The following ZNF716 variants were observed in gnomAD, a reference collection of about 807,000 sequenced individuals.
ZNF716 encodes zinc finger protein 716.
A neutral mutation model predicts 13.4 loss-of-function variants in ZNF716; 9 were observed. The ratio of observed to expected loss-of-function variants is 0.67; its 90% CI spans 0.41 to 1.18. The LOEUF is 1.18. Ranked by LOEUF, ZNF716 falls within the 50% of genes most tolerant of loss-of-function variation. The pLI is 0.01. For missense variants in ZNF716, 581 were observed against 576.6 expected, an observed-to-expected ratio of 1.01 and a Z score of -0.08; for synonymous variants, 186 against 195.2, an observed-to-expected ratio of 0.95 and a Z score of 0.39.
rs200193410 is a variant in ZNF716 at position 57,469,738 on chromosome 7, A to G, written c.1277A>G (p.His426Arg). The G allele has an allele frequency of 1.6e-4, 266 of 1,612,866 alleles. No individual in the cohort carries two copies. The highest frequency in any genetic ancestry group is 2.1e-4 in the Non-Finnish European group (250 of 1,179,468). ...AACTGCTCCTCAACCCTTAAGAAAC[A>G]TAAGATAATTCATACTGGAGAGAAA... ...AFNCSSTLKKHKIIHTGEKLY... is the reference protein window; with the variant it reads ...AFNCSSTLKKRKIIHTGEKLY... The change falls in exon 4 of 4, where the codon CAT becomes CGT. Residue 426 changes from histidine to arginine, a missense_variant. By Grantham distance (29) the His-to-Arg change is conservative. Coordinates refer to ENST00000420713, the MANE Select transcript of ZNF716 (RefSeq NM_001159279.1).
chr7:57,465,733 C>T (rs192486396), intron 3 of ZNF716, among the ~76,000 whole-genome samples: 48 of 152,242 alleles, frequency 3.2e-4, no homozygotes, highest in African/African-American at 7.0e-4. Context: ...CACATGCACA[C>T]GTATGTTTAT....
intron 1 of ZNF716, among the ~76,000 whole-genome samples, chr7:57,459,703 T>C (rs1393701505): frequency 6.6e-6 from 1 of 152,172 alleles, no homozygotes; most frequent in African/African-American, 2.4e-5. Context: ...AAAGGAAGGC[T>C]GCACTGCCTG....
chr7:57,461,311 G>A (rs1346653716), intron 1 of ZNF716, among the ~76,000 whole-genome samples: 1 of 152,018 alleles, frequency 6.6e-6, no homozygotes, highest in African/African-American at 2.4e-5. Flanking sequence ...ACTTTTCTGG[G>A]AGGAAAGAAA....
In ZNF716 at chr7:57,465,357, A is replaced by AT. The variant is rs782434763; in HGVS notation, c.262+2200dup. Among the ~76,000 whole-genome samples, 1,067 of 146,974 alleles carry AT rather than the reference A, an allele frequency of 7.3e-3. 5 individuals are homozygous for AT. The highest frequency in any genetic ancestry group is 0.011 in the Middle Eastern group (3 of 282). On this transcript the variant is annotated intron_variant, in intron 3 of 3. Transcript: ENST00000420713. Reference sequence around the variant, plus strand: ...CACTGTATGATTTTGCTCTTCTTACATTTTTTTTTTTGACACAGTGTTTCT... The same window carrying AT: ...CACTGTATGATTTTGCTCTTCTTACATTTTTTTTTTTTGACACAGTGTTTCT...
chr7:57,456,282 G>A (rs1317570941), intron 1 of ZNF716, among the ~76,000 whole-genome samples: 2 of 152,152 alleles, frequency 1.3e-5, no homozygotes, highest in Non-Finnish European at 1.5e-5. Flanking sequence ...TAGTAAACTG[G>A]TTAACGTAAG....
intron 1 of ZNF716, among the ~76,000 whole-genome samples, chr7:57,459,541 A>T (rs1190894323): frequency 6.6e-6 from 1 of 152,202 alleles, no homozygotes; most frequent in Non-Finnish European, 1.5e-5. Flanking sequence ...CACAATCAGC[A>T]TTTACAGGGG....
Position 57,469,999 on chromosome 7 carries a change from C to T in ZNF716, c.*50C>T, listed in dbSNP as rs1479331374. 2.1e-6 allele frequency: 3 copies of T among 1,457,332 alleles called. No homozygotes were observed. Among genetic ancestry groups the T allele is most frequent in the Non-Finnish European group, 2.7e-6 (3 of 1,100,990 alleles). 90.3% of individuals were successfully genotyped at this position (1,457,332 alleles called of 1,614,324 possible). A position where few individuals can be genotyped will look rare whatever the true frequency, so the allele number is the denominator to read the frequency against. On this transcript the variant is annotated 3_prime_UTR_variant, in exon 4 of 4. Coordinates refer to ENST00000420713, the MANE Select transcript of ZNF716 (RefSeq NM_001159279.1). ...CTTATAATACATAAAATAATTTATA[C>T]TGGAAAAAATCACTACAAGTGTGGA...
At chr7:57,457,623 C>T (rs1789623340) in intron 1 of ZNF716, among the ~76,000 whole-genome samples, 5 of 152,152 alleles carry the variant, frequency 3.3e-5, no homozygotes. Context: ...GGATTACAGT[C>T]ATGAGCCACC....
rs1789908981 is a variant in ZNF716, at chr7:57,470,402, G to A, written c.*453G>A. 1 of 157,958 alleles carries A rather than the reference G, an allele frequency of 6.3e-6. No individual in the cohort carries two copies. Among genetic ancestry groups the A allele is most frequent in the Admixed American group, 6.1e-5 (1 of 16,438 alleles). 9.8% of individuals were successfully genotyped at this position (157,958 alleles called of 1,614,324 possible). The stretch of plus-strand genomic sequence containing the variant: ...TGGTCTCAAACTCCTGACTTCAGGT[G>A]AACCACCTGCCTCAGCCTCCCAAAG... On this transcript the variant is annotated 3_prime_UTR_variant, in exon 4 of 4. Transcript: ENST00000420713.
In ZNF716 at chr7:57,451,441, ATTTTTT is replaced by A. The variant is rs782311074; in HGVS notation, c.39+1133_39+1138del. Among the ~76,000 whole-genome samples the A allele has an allele frequency of 6.5e-4, 58 of 89,034 alleles. 1 individual carries two copies. The highest frequency in any genetic ancestry group is 1.6e-3 in the South Asian group (4 of 2,558). The allele number at this position is 89,034 out of a possible 152,430, so 58.4% of individuals were successfully genotyped here. The stretch of plus-strand genomic sequence containing the variant: ...CCACAGGAAATTGGTTTTCCCTTGG[ATTTTTT>A]TTTTTTTTTTTTTTTTTTGAGATAG... On this transcript the variant is annotated intron_variant, in intron 1 of 3. Coordinates refer to ENST00000420713, the MANE Select transcript of ZNF716 (RefSeq NM_001159279.1).
intron 3 of ZNF716, among the ~76,000 whole-genome samples, chr7:57,464,927 A>C (rs1157727100): frequency 6.6e-6 from 1 of 152,068 alleles, no homozygotes; most frequent in Non-Finnish European, 1.5e-5. Context: ...TTGTTCTATC[A>C]TGTCTTTATC....
chr7:57,463,126 C>T lies in ZNF716; in HGVS notation c.220C>T (p.Pro74Ser), dbSNP rs781786535. Residue 74 changes from proline to serine, a missense_variant, in exon 3 of 4, where the codon CCC (proline) becomes TCC (serine). By Grantham distance (74) the Pro-to-Ser change is moderately conservative. Transcript: ENST00000420713. ...CACCTGTCTGGAGCAAAATAAAGAG[C>T]CCCAGAATATAAAGAGAAATGAGAT... ...LITCLEQNKEPQNIKRNEMVA... is the reference protein window; with the variant it reads ...LITCLEQNKESQNIKRNEMVA... 3 of 1,609,934 alleles carry T rather than the reference C, an allele frequency of 1.9e-6. No homozygotes were observed. The highest frequency in any genetic ancestry group is 2.5e-6 in the Non-Finnish European group (3 of 1,179,946).
chr7:57,458,611 C>T (rs572425701), intron 1 of ZNF716, among the ~76,000 whole-genome samples: 1 of 152,164 alleles, frequency 6.6e-6, no homozygotes, highest in South Asian at 2.1e-4. Flanking sequence ...TTAGTACAGA[C>T]GGGGTTTCAC....
chr7:57,460,880 G>C (rs1227016725), intron 1 of ZNF716, among the ~76,000 whole-genome samples: 1 of 152,146 alleles, frequency 6.6e-6, no homozygotes, highest in Non-Finnish European at 1.5e-5. Context: ...TTGCTCTCCA[G>C]GGTGCTAAGG....
At chr7:57,464,709 C>T (rs576203446) in intron 3 of ZNF716, among the ~76,000 whole-genome samples, 7 of 129,632 alleles carry the variant, frequency 5.4e-5, no homozygotes, top group East Asian at 2.6e-4. Flanking sequence ...CTAAGAGTTT[C>T]GTTACTTTTT....
At chr7:57,454,763 G>A (rs566343531) in intron 1 of ZNF716, among the ~76,000 whole-genome samples, 7 of 152,152 alleles carry the variant, frequency 4.6e-5, no homozygotes, top group African/African-American at 1.4e-4. Flanking sequence ...GGTGGCTCAT[G>A]CCTGTAATCC....
rs1259160778 is a variant in ZNF716, at chr7:57,468,899, C to T, written c.438C>T (p.Asn146=). ...EVHKGGYNYV[N]QCLSATQNKT... ...ACAAAGGAGGTTATAATTATGTTAA[C>T]CAATGTTTGTCAGCTACCCAAAACA... The change falls in exon 4 of 4, where the codon AAC becomes AAT. Residue 146 remains asparagine (N), a synonymous_variant. Transcript: ENST00000420713. 2.5e-6 allele frequency: 4 copies of T among 1,610,870 alleles called. No individual in the cohort carries two copies. The South Asian group carries it at 3.3e-5, about 13-fold the overall frequency.
intron 1 of ZNF716, among the ~76,000 whole-genome samples, 155 bp downstream of exon 1, chr7:57,450,482 C>T (rs1168962002): frequency 6.6e-6 from 1 of 152,098 alleles, no homozygotes; most frequent in Non-Finnish European, 1.5e-5. Context: ...TCCCCTCGAG[C>T]GTTAAGATGC....
At chr7:57,466,734 C>T (rs1314032502) in intron 3 of ZNF716, among the ~76,000 whole-genome samples, 5 of 151,980 alleles carry the variant, frequency 3.3e-5, no homozygotes, top group African/African-American at 1.2e-4. Context: ...TGAATTAATA[C>T]ACTATATTAT....
Sources: gnomAD v4.1 joint callset for allele counts (sites outside exome capture counted in the v4.1 genomes callset) on GRCh38, gnomAD v4.1.1 for gene constraint, MANE v1.5 for transcripts, NCBI Gene and HGNC (gene_info 2026-07-23, HGNC 2026-07-21) for gene names.